Variants in PPIP5K2 observed in about 807,000 individuals in gnomAD.
The protein encoded by PPIP5K2 is inositol hexakisphosphate and diphosphoinositol-pentakisphosphate kinase 2.
PPIP5K2 carries 105 observed loss-of-function variants against 154.6 expected under a neutral mutation model. The ratio of observed to expected loss-of-function variants is 0.68; its 90% CI spans 0.58 to 0.80. The LOEUF is 0.80. Among genes scored for constraint, PPIP5K2 ranks in the 30% least tolerant of loss-of-function variants. The pLI, the probability that PPIP5K2 is intolerant of heterozygous loss-of-function variation, is 0.00. For synonymous variants in PPIP5K2, 480 were observed against 490.3 expected (o/e 0.98, Z 0.28); for missense variants, 992 against 1,504.6 (o/e 0.66, Z 5.64).
At chr5:103,124,006 C>T (rs527291671) in intron 1 of PPIP5K2, among the ~76,000 whole-genome samples, 5 of 152,166 alleles carry the variant, frequency 3.3e-5, no homozygotes, top group Admixed American at 6.5e-5. Context: ...CTTGGCCGGG[C>T]GCGGTGGCTC....
chr5:103,167,412 T>A, intron 18 of PPIP5K2, 92 bp downstream of exon 18: 1 of 1,132,186 alleles, frequency 8.8e-7, no homozygotes, highest in Non-Finnish European at 1.2e-6. Flanking sequence ...TTGTAAGAAA[T>A]CAAGCCTCTC....
chr5:103,175,763 G>A (rs1468478906), intron 21 of PPIP5K2, among the ~76,000 whole-genome samples: 15 of 152,044 alleles, frequency 9.9e-5, no homozygotes, highest in African/African-American at 3.4e-4. Context: ...GATGTCATTT[G>A]GACTAGGGTG....
chr5:103,154,917 T>C lies in PPIP5K2; in HGVS notation c.1377T>C (p.Leu459=). Residue 459 remains leucine (L), a synonymous_variant, in exon 13 of 31, where the codon CTT becomes CTC. Coordinates refer to ENST00000358359, the MANE Select transcript of PPIP5K2 (RefSeq NM_001276277.3). ...DSEIEENKPK[L]EQLKTVLEMY... ...AAATTGAAGAAAACAAGCCAAAACT[T>C]GAACAACTTAAGACTGTATTAGAGA... 1 of 1,604,022 alleles carries C rather than the reference T, an allele frequency of 6.2e-7. No individual in the cohort carries two copies. Among genetic ancestry groups the C allele is most frequent in the Non-Finnish European group, 8.5e-7 (1 of 1,175,758 alleles).
At chr5:103,181,773 T>C (rs1339268508) in intron 24 of PPIP5K2, among the ~76,000 whole-genome samples, 1 of 152,112 alleles carries the variant, frequency 6.6e-6, no homozygotes, top group African/African-American at 2.4e-5. Context: ...TGCTCATTTC[T>C]ACAGCCCCGA....
chr5:103,163,177 G>A (rs154355), intron 17 of PPIP5K2, among the ~76,000 whole-genome samples: 1 of 144,612 alleles, frequency 6.9e-6, no homozygotes, highest in Non-Finnish European at 1.5e-5. Flanking sequence ...TAGGTTGTAT[G>A]ATATCTGTAG....
intron 5 of PPIP5K2, among the ~76,000 whole-genome samples, chr5:103,141,908 TC>T (rs1237916953): frequency 6.6e-6 from 1 of 152,132 alleles, no homozygotes; most frequent in Non-Finnish European, 1.5e-5. Flanking sequence ...GTATTTACAA[TC>T]CCTGAGCTAG....
rs368775289 is a variant in PPIP5K2 at position 103,186,397 on chromosome 5, C to T, written c.3247C>T (p.Arg1083Cys). 210 of 1,613,780 alleles carry T rather than the reference C, an allele frequency of 1.3e-4. 1 individual carries two copies. The highest frequency in any genetic ancestry group is 1.7e-4 in the Non-Finnish European group (202 of 1,179,882). The change falls in exon 27 of 31, where the codon CGT becomes TGT. Residue 1083 changes from arginine (R) to cysteine (C), a missense_variant. Arg to Cys is a radical substitution (Grantham distance 180). Transcript: ENST00000358359. ...SSAPNLQDYA[R>C]THRKKLTSSG... is the part of the protein sequence containing the mutation. ...CGCACCTAACCTACAGGATTATGCT[C>T]GTACTCATCGTAAAAAGCTGACCTC...
At chr5:103,126,987 A>C (rs1789799695) in intron 1 of PPIP5K2, among the ~76,000 whole-genome samples, 1 of 152,182 alleles carries the variant, frequency 6.6e-6, no homozygotes, top group African/African-American at 2.4e-5. Flanking sequence ...ATAGGTCTGC[A>C]CAGCTACAAC....
chr5:103,127,975 T>A (rs1789995496), intron 1 of PPIP5K2, among the ~76,000 whole-genome samples: 1 of 152,142 alleles, frequency 6.6e-6, no homozygotes, highest in Non-Finnish European at 1.5e-5. Context: ...TTTTACATGT[T>A]AAACAGTACA....
chr5:103,127,711 C>G (rs1470171877), intron 1 of PPIP5K2, among the ~76,000 whole-genome samples: 1 of 152,060 alleles, frequency 6.6e-6, no homozygotes, highest in Non-Finnish European at 1.5e-5. Context: ...TTTTTATAGA[C>G]TAATAGCAAC....
At chr5:103,147,436 G>C (rs1416442981) in intron 6 of PPIP5K2, among the ~76,000 whole-genome samples, 1 of 151,954 alleles carries the variant, frequency 6.6e-6, no homozygotes, top group Non-Finnish European at 1.5e-5. Context: ...ATCTTCACAA[G>C]TTGCATATGA....
chr5:103,129,770 T>A, intron 2 of PPIP5K2, 67 bp downstream of exon 2: 1 of 1,412,766 alleles, frequency 7.1e-7, no homozygotes, highest in Non-Finnish European at 9.2e-7. Context: ...CTAATCACTG[T>A]TAGTCTTTTT....
chr5:103,137,421 C>T (rs1264524584), intron 4 of PPIP5K2, among the ~76,000 whole-genome samples: 2 of 152,100 alleles, frequency 1.3e-5, no homozygotes, highest in African/African-American at 4.8e-5. Flanking sequence ...CTCGGCCTCC[C>T]AAAGTGCTGG....
intron 9 of PPIP5K2, among the ~76,000 whole-genome samples, chr5:103,151,627 A>T (rs1417726545): frequency 6.6e-6 from 1 of 151,376 alleles, no homozygotes; most frequent in Non-Finnish European, 1.5e-5. Flanking sequence ...GCTGATTATT[A>T]GTCAAAAGTT....
At chr5:103,194,101 A>G (rs1397946190) in intron 29 of PPIP5K2, among the ~76,000 whole-genome samples, 1 of 152,200 alleles carries the variant, frequency 6.6e-6, no homozygotes, top group Non-Finnish European at 1.5e-5. Flanking sequence ...ATATTTGTAG[A>G]TGAAACATCC....
At chr5:103,194,081 GTATACCAT>G (rs1335588169) in intron 29 of PPIP5K2, among the ~76,000 whole-genome samples, 8 of 152,058 alleles carry the variant, frequency 5.3e-5, no homozygotes, top group African/African-American at 2.4e-5. Flanking sequence ...TGATAGTTTA[GTATACCAT>G]TATATTTGTA....
intron 1 of PPIP5K2, among the ~76,000 whole-genome samples, chr5:103,127,088 A>G (rs1361876632): frequency 6.6e-6 from 1 of 152,248 alleles, no homozygotes; most frequent in African/African-American, 2.4e-5. Context: ...GAATACTCTA[A>G]AAGGCTAAAA....
In PPIP5K2 at chr5:103,209,973, T is replaced by C. The variant is rs1803715574; in HGVS notation, c.*8339T>C. 6.6e-6 allele frequency: 1 copy of C among 152,112 alleles called. No individual in the cohort carries two copies. The highest frequency in any genetic ancestry group is 1.5e-5 in the Non-Finnish European group (1 of 68,004). The allele number at this position is 152,112 out of a possible 1,614,324, so 9.4% of individuals were successfully genotyped here. ...GTACTCAAAAGTCATGACAATAAAA[T>C]GAGACCTGGGAGTCCCAAATGTTAT... On this transcript the variant is annotated 3_prime_UTR_variant, in exon 31 of 31. Coordinates refer to ENST00000358359, the MANE Select transcript of PPIP5K2 (RefSeq NM_001276277.3).
In PPIP5K2 at chr5:103,138,384, G is replaced by C; in HGVS notation, c.402G>C (p.Arg134Ser). 1.3e-6 allele frequency: 2 copies of C among 1,540,734 alleles called. No homozygotes were observed. Among genetic ancestry groups the C allele is most frequent in the Non-Finnish European group, 1.8e-6 (2 of 1,128,092 alleles). ...TAAGGATGTTTCCCTTTTTCTTCAG[G>C]AGAGAAGTATATAGTATTCTTCAAG... is the stretch of plus-strand genomic sequence containing the variant. ...DLNMQYLIQD[R>S]REVYSILQAE... The change falls in exon 5 of 31, where the codon AGG becomes AGC. Residue 134 changes from arginine to serine, a missense_variant and splice_region_variant. Around this residue, in one of 9 missense-constraint regions of PPIP5K2, gnomAD observed 153 missense variants for 200.4 expected, o/e 0.76. Transcript: ENST00000358359.
Sources: allele counts gnomAD v4.1 joint callset (sites outside exome capture counted in the v4.1 genomes callset), GRCh38; gene constraint gnomAD v4.1.1; regional missense constraint gnomAD v4.1.1; transcripts MANE v1.5; gene names NCBI Gene and HGNC (gene_info 2026-07-23, HGNC 2026-07-21).